The following TFDP1 variants were observed in gnomAD, a reference collection of about 807,000 sequenced individuals.
TFDP1 encodes transcription factor Dp-1, also known as DRTF1-polypeptide 1.
In TFDP1, 6 loss-of-function variants were observed where a neutral mutation model predicts 48.0. The ratio of observed to expected loss-of-function variants is 0.13; its 90% CI spans 0.07 to 0.25. The LOEUF is 0.25. Among genes scored for constraint, TFDP1 ranks in the 10% least tolerant of loss-of-function variants. The pLI is 1.00. For missense variants in TFDP1, 335 were observed against 543.0 expected (o/e 0.62, Z 3.81); for synonymous variants, 201 against 211.6 (o/e 0.95, Z 0.44).
chr13:113,625,818 C>T (rs562902652), intron 4 of TFDP1, among the ~76,000 whole-genome samples: 2 of 143,144 alleles, frequency 1.4e-5, no homozygotes, highest in Non-Finnish European at 3.0e-5. Flanking sequence ...AGGTGTCTCA[C>T]GCGTCCTCAG....
chr13:113,613,019 T>TAAAAC (rs1317861640), intron 3 of TFDP1, among the ~76,000 whole-genome samples: 4 of 120,052 alleles, frequency 3.3e-5, no homozygotes, highest in Non-Finnish European at 6.9e-5. Flanking sequence ...CGGTGGTTTT[T>TAAAAC]GTTGTTGTTG....
intron 2 of TFDP1, among the ~76,000 whole-genome samples, chr13:113,602,508 A>T (rs1196224505): frequency 1.3e-5 from 2 of 152,158 alleles, no homozygotes; most frequent in Non-Finnish European, 2.9e-5. Context: ...TTCATTCATT[A>T]TGCAGTTTAA....
At chr13:113,625,567 C>T (rs1165056780) in intron 4 of TFDP1, among the ~76,000 whole-genome samples, 5 of 90,282 alleles carry the variant, frequency 5.5e-5, no homozygotes, top group African/African-American at 2.0e-4. Context: ...GTGTCTCTCA[C>T]GTGTCCTCAG....
intron 2 of TFDP1, among the ~76,000 whole-genome samples, chr13:113,588,486 T>G (rs1368469375): frequency 6.6e-6 from 1 of 152,160 alleles, no homozygotes; most frequent in Non-Finnish European, 1.5e-5. Context: ...CACAAATGGC[T>G]CCATGTGAGT....
chr13:113,601,634 T>C (rs1173571075), intron 2 of TFDP1, among the ~76,000 whole-genome samples: 2 of 152,242 alleles, frequency 1.3e-5, no homozygotes, highest in South Asian at 2.1e-4. Context: ...CCAGGTGTGC[T>C]CTCCAGGGTC....
At chr13:113,603,056 C>T (rs1184044381) in intron 2 of TFDP1, among the ~76,000 whole-genome samples, 1 of 151,518 alleles carries the variant, frequency 6.6e-6, no homozygotes, top group African/African-American at 2.4e-5. Flanking sequence ...CTGCAGGACA[C>T]AGGTCGGATA....
intron 3 of TFDP1, among the ~76,000 whole-genome samples, chr13:113,615,309 G>T (rs1332276924): frequency 6.6e-6 from 1 of 152,206 alleles, no homozygotes. Flanking sequence ...TAGGCTTTCT[G>T]TGTCACAGGT....
At chr13:113,635,258 G>A (rs935970845) in intron 8 of TFDP1, among the ~76,000 whole-genome samples, 1 of 152,214 alleles carries the variant, frequency 6.6e-6, no homozygotes, top group Non-Finnish European at 1.5e-5. Context: ...CCTGACCAAG[G>A]TGTGCTCGAG....
chr13:113,631,513 T>C lies in TFDP1; in HGVS notation c.187-110T>C. The C allele has an allele frequency of 4.3e-6, 6 of 1,400,694 alleles. No individual in the cohort carries two copies. In the South Asian group the frequency reaches 7.9e-5, roughly 18 times the overall value. 86.8% of individuals were successfully genotyped at this position (1,400,694 alleles called of 1,614,324 possible). The stretch of plus-strand genomic sequence containing the variant: ...TTCCTGCTCCGTCATGGCTGCTCAC[T>C]GTGGTTAAGGAAATTCAGCAGTGGC... On this transcript the variant is annotated intron_variant, in intron 4 of 11. Transcript: ENST00000375370.
intron 2 of TFDP1, among the ~76,000 whole-genome samples, chr13:113,587,648 C>A (rs578012290): frequency 2.0e-5 from 3 of 151,916 alleles, no homozygotes; most frequent in Admixed American, 6.6e-5. Context: ...CCATGCCTGG[C>A]AAATTTTTTT....
Position 113,631,512 on chromosome 13 carries a change from C to G in TFDP1, c.187-111C>G, listed in dbSNP as rs931544146. 1.9e-5 allele frequency: 27 copies of G among 1,397,562 alleles called. No individual in the cohort carries two copies. In the African/African-American group the frequency reaches 3.1e-4, roughly 16 times the overall value. The allele number at this position is 1,397,562 out of a possible 1,614,324, so 86.6% of individuals were successfully genotyped here. A position where few individuals can be genotyped will look rare whatever the true frequency, so the allele number is the denominator to read the frequency against. On this transcript the variant is annotated intron_variant, in intron 4 of 11. Transcript: ENST00000375370. ...TTTCCTGCTCCGTCATGGCTGCTCA[C>G]TGTGGTTAAGGAAATTCAGCAGTGG...
At chr13:113,628,108 G>A (rs1448264923) in intron 4 of TFDP1, among the ~76,000 whole-genome samples, 3 of 151,786 alleles carry the variant, frequency 2.0e-5, no homozygotes, top group Non-Finnish European at 4.4e-5. Flanking sequence ...GTCTGGAGCC[G>A]TGTAAAGACT....
chr13:113,613,180 C>G (rs1475147915), intron 3 of TFDP1, among the ~76,000 whole-genome samples: 1 of 152,194 alleles, frequency 6.6e-6, no homozygotes, highest in Non-Finnish European at 1.5e-5. Flanking sequence ...CCATATCCAG[C>G]TAATTTTGTA....
In TFDP1 at chr13:113,614,113, T is replaced by A. The variant is rs113153568; in HGVS notation, c.79+3051T>A. Among the ~76,000 whole-genome samples the A allele has an allele frequency of 2.9e-3, 443 of 151,648 alleles. 1 individual carries two copies. The highest frequency in any genetic ancestry group is 0.01 in the African/African-American group (423 of 41,304). On this transcript the variant is annotated intron_variant, in intron 3 of 11. Transcript: ENST00000375370. ...TGTGAGTTGTGTGCATATGCACGTG[T>A]GAGTTGAGTTGTGTGCATGGAGTGT...
intron 11 of TFDP1, among the ~76,000 whole-genome samples, chr13:113,638,490 T>C (rs2049558504): frequency 6.6e-6 from 1 of 151,400 alleles, no homozygotes; most frequent in South Asian, 2.1e-4. Flanking sequence ...TGCATGTATT[T>C]TTGCGAACGC....
chr13:113,632,262 G>A (rs930527636), intron 5 of TFDP1, among the ~76,000 whole-genome samples: 3 of 152,232 alleles, frequency 2.0e-5, no homozygotes, highest in Non-Finnish European at 4.4e-5. Context: ...GCCTGTGTTG[G>A]TGCCCAAAGC....
chr13:113,633,471 C>T lies in TFDP1; in HGVS notation c.474+186C>T, dbSNP rs544426986. ...GAGAGGCTGGGGTGGCGGAGCCCAG[C>T]GGTGTGGTACGTTTCGCTCTTTTAA... is the stretch of plus-strand genomic sequence containing the variant. On this transcript the variant is annotated intron_variant, in intron 6 of 11. Transcript: ENST00000375370. The surrounding 1 kb of genome is among the most constrained non-coding windows in gnomAD (Gnocchi z 4.5). 1.3e-5 allele frequency among the ~76,000 whole-genome samples: 2 copies of T among 151,988 alleles called. No homozygotes were observed. The highest frequency in any genetic ancestry group is 2.9e-5 in the Non-Finnish European group (2 of 68,012).
intron 4 of TFDP1, among the ~76,000 whole-genome samples, chr13:113,631,091 C>T (rs1449690852): frequency 6.6e-6 from 1 of 152,232 alleles, no homozygotes; most frequent in Non-Finnish European, 1.5e-5. Flanking sequence ...GCTGGAGGAG[C>T]AGCTGCTGTC....
In TFDP1 at chr13:113,607,996, C is replaced by T. The variant is rs2048610913; in HGVS notation, c.13-3000C>T. 6.6e-6 allele frequency among the ~76,000 whole-genome samples: 1 copy of T among 152,204 alleles called. No homozygotes were observed. The highest frequency in any genetic ancestry group is 1.5e-5 in the Non-Finnish European group (1 of 68,030). ...TATGAGGAGTGTTTTCTGTGAGCAG[C>T]GGTGGAACATTTACAGACACGAGCG... On this transcript the variant is annotated intron_variant, in intron 2 of 11. Coordinates refer to ENST00000375370, the MANE Select transcript of TFDP1 (RefSeq NM_007111.5). This position sits in a 1 kb window ranked among gnomAD's most constrained non-coding sequence, Gnocchi z 5.2.
Sources: gnomAD v4.1 joint callset for allele counts (sites outside exome capture counted in the v4.1 genomes callset) on GRCh38, gnomAD v4.1.1 for gene constraint, Gnocchi (gnomAD v3.1) non-coding constraint, MANE v1.5 for transcripts, NCBI Gene and HGNC (gene_info 2026-07-23, HGNC 2026-07-21) for gene names.